Variants in PTPRT observed in about 807,000 individuals in gnomAD.
PTPRT encodes receptor-type tyrosine-protein phosphatase T.
Under a neutral mutation model 176.8 loss-of-function variants are expected in PTPRT, and 56 were observed. The ratio of observed to expected loss-of-function variants is 0.32; its 90% CI spans 0.26 to 0.40. The LOEUF (loss-of-function observed/expected upper bound fraction) is 0.40. PTPRT is among the 10% of genes least tolerant of loss of function. The pLI is 1.00. For synonymous variants in PTPRT, 783 were observed against 739.0 expected (o/e 1.06, Z -0.96); for missense variants, 1,540 against 1,908.2 (o/e 0.81, Z 3.60).
intron 6 of PTPRT, among the ~76,000 whole-genome samples, chr20:42,681,261 G>A (rs2075599168): frequency 6.6e-6 from 1 of 152,186 alleles, no homozygotes; most frequent in African/African-American, 2.4e-5. Context: ...AATGGCTAGA[G>A]TCAGCAGGGA....
At chr20:42,083,545 C>T (rs1000079112) in intron 29 of PTPRT, among the ~76,000 whole-genome samples, 2 of 152,142 alleles carry the variant, frequency 1.3e-5, no homozygotes, top group Non-Finnish European at 2.9e-5. Flanking sequence ...GTGTGCATCT[C>T]TATGTGTCTG....
At chr20:42,676,487 C>T (rs961040868) in intron 7 of PTPRT, among the ~76,000 whole-genome samples, 2 of 152,036 alleles carry the variant, frequency 1.3e-5, no homozygotes, top group African/African-American at 4.8e-5. Context: ...GCTGCCTGCT[C>T]CCCTGAGCCA....
chr20:42,953,258 A>G (rs1981374474), intron 1 of PTPRT, among the ~76,000 whole-genome samples: 2 of 152,192 alleles, frequency 1.3e-5, no homozygotes, highest in African/African-American at 4.8e-5. Flanking sequence ...GCCTTCCACC[A>G]CTGCCAAGGT....
chr20:42,520,480 T>G (rs1479223116), intron 7 of PTPRT, among the ~76,000 whole-genome samples: 1 of 152,022 alleles, frequency 6.6e-6, no homozygotes, highest in Non-Finnish European at 1.5e-5. Context: ...ACGGCTTAGA[T>G]TTTTCTGTTT....
intron 1 of PTPRT, among the ~76,000 whole-genome samples, chr20:42,898,916 C>T (rs2145909342): frequency 6.6e-6 from 1 of 152,316 alleles, no homozygotes; most frequent in East Asian, 1.9e-4. Flanking sequence ...AGTGAAGATG[C>T]TTCAAGTTGG....
chr20:42,875,393 C>T (rs2078913934), intron 2 of PTPRT, among the ~76,000 whole-genome samples: 1 of 152,212 alleles, frequency 6.6e-6, no homozygotes, highest in African/African-American at 2.4e-5. Context: ...GTAAACATCC[C>T]AAACTAGCAC....
chr20:42,806,336 T>C (rs2077607576), intron 2 of PTPRT, among the ~76,000 whole-genome samples: 1 of 151,956 alleles, frequency 6.6e-6, no homozygotes, highest in Admixed American at 6.6e-5. Context: ...ATATAAAAAT[T>C]AGCTGTGCAT....
intron 18 of PTPRT, among the ~76,000 whole-genome samples, chr20:42,137,134 G>A (rs1261386004): frequency 6.6e-6 from 1 of 152,238 alleles, no homozygotes; most frequent in Non-Finnish European, 1.5e-5. Context: ...AGTAGTGAGT[G>A]TTTGGGGATA....
At chr20:42,685,289 G>C (rs1458073978) in intron 6 of PTPRT, 2 of 152,300 alleles carry the variant, frequency 1.3e-5, no homozygotes, top group Non-Finnish European at 1.5e-5. Context: ...AAAACTGCTT[G>C]AAGATTTACC....
chr20:42,634,648 C>G (rs1021685560), intron 7 of PTPRT, among the ~76,000 whole-genome samples: 14 of 151,974 alleles, frequency 9.2e-5, no homozygotes, highest in African/African-American at 2.9e-4. Context: ...ATTCCTTGCA[C>G]CTTAAAAAAG....
At chr20:42,564,942 CAAGGAGGG>C (rs2073013839) in intron 7 of PTPRT, among the ~76,000 whole-genome samples, 1 of 151,968 alleles carries the variant, frequency 6.6e-6, no homozygotes, top group South Asian at 2.1e-4. Flanking sequence ...TTTTAGTATC[CAAGGAGGG>C]TGCCGGAACC....
intron 13 of PTPRT, among the ~76,000 whole-genome samples, chr20:42,249,398 C>G (rs1016076687): frequency 6.6e-6 from 1 of 152,132 alleles, no homozygotes; most frequent in Non-Finnish European, 1.5e-5. Context: ...TGATCAATTC[C>G]ATTTTTAGCA....
intron 1 of PTPRT, among the ~76,000 whole-genome samples, chr20:43,042,541 G>T (rs1348042907): frequency 7.3e-6 from 1 of 137,566 alleles, no homozygotes; most frequent in Admixed American, 7.8e-5. Flanking sequence ...CTCAGGAAGA[G>T]TCCCCCCTTG....
intron 1 of PTPRT, among the ~76,000 whole-genome samples, chr20:42,941,014 G>A (rs573101125): frequency 4.6e-5 from 7 of 151,778 alleles, no homozygotes; most frequent in South Asian, 2.1e-4. Context: ...CCTGGGAGAC[G>A]GGGGTTGCAG....
rs188604224 is a variant in PTPRT, at chr20:42,212,252, C to T, written c.2343-12864G>A. On this transcript the variant is annotated intron_variant, in intron 15 of 30. Transcript: ENST00000373187. ...GCATGGCACATGTATACATATGTAA[C>T]ATGTAACTAACCTGCACAATGTGCA... Among the ~76,000 whole-genome samples, 636 of 125,630 alleles carry T rather than the reference C, an allele frequency of 5.1e-3. 16 individuals are homozygous for T. Among genetic ancestry groups the T allele is most frequent in the Admixed American group, 0.043 (453 of 10,634 alleles). 82.4% of individuals were successfully genotyped at this position (125,630 alleles called of 152,430 possible). A position where few individuals can be genotyped will look rare whatever the true frequency, so the allele number is the denominator to read the frequency against.
At chr20:43,047,475 T>C (rs1643902861) in intron 1 of PTPRT, among the ~76,000 whole-genome samples, 1 of 152,134 alleles carries the variant, frequency 6.6e-6, no homozygotes, top group Admixed American at 6.5e-5. Context: ...AGTGTTTTGC[T>C]AATGTCTGAG....
intron 1 of PTPRT, among the ~76,000 whole-genome samples, chr20:42,939,181 T>C (rs1457699742): frequency 6.6e-6 from 1 of 152,240 alleles, no homozygotes; most frequent in East Asian, 1.9e-4. Context: ...TAGCATACTC[T>C]GATGGCAAAT....
rs369110041 is a variant in PTPRT, at chr20:43,173,513, C to A, written c.88+16133G>T. 3.9e-5 allele frequency among the ~76,000 whole-genome samples: 6 copies of A among 152,336 alleles called. No individual in the cohort carries two copies. In the East Asian group the frequency reaches 1.2e-3, roughly 29 times the overall value. ...TTATTTGTAAAACTGGAATAATGAT[C>A]ACCTGTCTTAAATCCACAAGGTGGT... On this transcript the variant is annotated intron_variant, in intron 1 of 30. Transcript: ENST00000373187.
intron 7 of PTPRT, among the ~76,000 whole-genome samples, chr20:42,614,598 C>A (rs983039539): frequency 6.6e-6 from 1 of 152,096 alleles, no homozygotes; most frequent in Non-Finnish European, 1.5e-5. Flanking sequence ...TCCTCTATTC[C>A]CTCAACTTCA....
Sources: gnomAD v4.1 joint callset for allele counts (sites outside exome capture counted in the v4.1 genomes callset) on GRCh38, gnomAD v4.1.1 for gene constraint, MANE v1.5 for transcripts, NCBI Gene and HGNC (gene_info 2026-07-23, HGNC 2026-07-21) for gene names.